KAZN: variants seen among roughly 807,000 people sequenced by gnomAD.
The protein encoded by KAZN is kazrin.
In KAZN, 40 loss-of-function variants were observed where a neutral mutation model predicts 87.4. That is an observed-to-expected ratio of 0.46 (90% CI 0.36 to 0.60). The LOEUF is 0.60. Ranked by LOEUF, KAZN falls within the 20% of genes least tolerant of loss-of-function variation. KAZN has a pLI of 0.00. For synonymous variants in KAZN, 466 were observed against 458.3 expected (o/e 1.02, Z -0.22); for missense variants, 898 against 1,073.9 (o/e 0.84, Z 2.29).
chr1:14,366,594 G>C (rs1660017494), intron 2 of KAZN, among the ~76,000 whole-genome samples: 1 of 152,228 alleles, frequency 6.6e-6, no homozygotes, highest in Non-Finnish European at 1.5e-5. Flanking sequence ...GAACACACAA[G>C]TGTGAGCGGG....
At chr1:14,202,497 C>T (rs780483654) in intron 2 of KAZN, among the ~76,000 whole-genome samples, 47 of 152,124 alleles carry the variant, frequency 3.1e-4, no homozygotes, top group Admixed American at 1.4e-3. Flanking sequence ...TGCTGGGGTG[C>T]AGGGAAGAGA....
intron 1 of KAZN, among the ~76,000 whole-genome samples, chr1:14,920,460 T>C (rs953374636): frequency 1.3e-5 from 2 of 151,692 alleles, no homozygotes; most frequent in Non-Finnish European, 2.9e-5. Flanking sequence ...GAGGACTGGA[T>C]GAGGACACCT....
At chr1:14,060,964 T>C in intron 1 of KAZN, among the ~76,000 whole-genome samples, 1 of 152,102 alleles carries the variant, frequency 6.6e-6, no homozygotes, top group East Asian at 1.9e-4. Flanking sequence ...AGACTTGGGG[T>C]CAAGACCCTT....
chr1:15,053,310 G>A (rs569209976), intron 4 of KAZN, among the ~76,000 whole-genome samples: 5 of 152,294 alleles, frequency 3.3e-5, no homozygotes, highest in Admixed American at 6.5e-5. Flanking sequence ...GTGGGTCTCC[G>A]TGATGCTAGG....
chr1:15,090,465 A>G (rs968332775), intron 8 of KAZN, among the ~76,000 whole-genome samples: 1 of 152,240 alleles, frequency 6.6e-6, no homozygotes, highest in Non-Finnish European at 1.5e-5. Context: ...CCTGCAAGCC[A>G]TGCCGGTCCG....
intron 2 of KAZN, among the ~76,000 whole-genome samples, chr1:14,520,504 C>G (rs1671529656): frequency 6.6e-6 from 1 of 152,212 alleles, no homozygotes; most frequent in African/African-American, 2.4e-5. Flanking sequence ...AACACACACA[C>G]TAATCCAATG....
intron 14 of KAZN, 199 bp from the exon 15 acceptor site, chr1:15,114,272 A>T: frequency 1.9e-6 from 1 of 532,882 alleles, no homozygotes; most frequent in Non-Finnish European, 3.4e-6. Context: ...GGGGACACAA[A>T]GCTCTCCCCT....
At chr1:14,595,364 T>A (rs956388078), upstream of KAZN, among the ~76,000 whole-genome samples, 5 of 151,840 alleles carry the variant, frequency 3.3e-5, no homozygotes, top group Admixed American at 1.3e-4. Flanking sequence ...GGAGGAGCGG[T>A]GGTAAAGCCT....
intron 1 of KAZN, among the ~76,000 whole-genome samples, chr1:14,082,859 A>G (rs12409475): frequency 0.017 from 2,599 of 152,244 alleles, 40 homozygotes; most frequent in Non-Finnish European, 0.026. Context: ...CCTCCCACTT[A>G]CACTTAATGA....
In KAZN at chr1:14,562,117, C is replaced by G. The variant is rs183931289; in HGVS notation, c.250-36866C>G. ...AGCTTTTATTAGGTAAGCCTCCACC[C>G]CTTTGAGGACACACGACTGCCATTC... On this transcript the variant is annotated intron_variant, in intron 2 of 16. Transcript: ENST00000636203. 7.3e-3 allele frequency among the ~76,000 whole-genome samples: 1,116 copies of G among 152,188 alleles called. 8 individuals are homozygous for G. The highest frequency in any genetic ancestry group is 0.013 in the Admixed American group (205 of 15,290).
Position 14,104,145 on chromosome 1 carries a change from G to A in KAZN, c.92-76290G>A, listed in dbSNP as rs544507204. On this transcript the variant is annotated intron_variant, in intron 1 of 16. Transcript: ENST00000636203. ...GGTATAACCTACCAGAGCTGGGGAC[G>A]AGGGAGGAAGGGTCTGGAATATAAC... Among the ~76,000 whole-genome samples, 4 of 152,320 alleles carry A rather than the reference G, an allele frequency of 2.6e-5. No homozygotes were observed. The East Asian group carries it at 5.8e-4, about 22-fold the overall frequency.
rs577350204 is a variant in KAZN, at chr1:14,615,639, A to T, written c.226+16416A>T. Among the ~76,000 whole-genome samples, 14 of 151,952 alleles carry T rather than the reference A, an allele frequency of 9.2e-5. No homozygotes were observed. In the South Asian group the frequency reaches 1.7e-3, roughly 18 times the overall value. ...AGACTCCATCTCAAAAAAAAAAAAA[A>T]AGAGGAGCAGAGGGGACTTCTCACT... On this transcript the variant is annotated intron_variant, in intron 1 of 14. Transcript: ENST00000376030.
chr1:14,413,597 A>AG (rs1664490053), intron 2 of KAZN, among the ~76,000 whole-genome samples: 1 of 147,468 alleles, frequency 6.8e-6, no homozygotes, highest in Non-Finnish European at 1.5e-5. Flanking sequence ...TCAAAAGAAA[A>AG]AAAAAAAAAA....
At chr1:14,381,889 TCC>T (rs778023171) in intron 2 of KAZN, among the ~76,000 whole-genome samples, 2 of 152,236 alleles carry the variant, frequency 1.3e-5, no homozygotes, top group East Asian at 3.9e-4. Flanking sequence ...AAGTCAAATA[TCC>T]TTGTTTGAAG....
At chr1:14,580,939 C>G (rs1248536464) in intron 2 of KAZN, among the ~76,000 whole-genome samples, 5 of 152,212 alleles carry the variant, frequency 3.3e-5, no homozygotes, top group Non-Finnish European at 4.4e-5. Context: ...CACCACTTCT[C>G]TCACTGCTCC....
At chr1:14,660,541 CTT>C (rs1156503750) in intron 1 of KAZN, among the ~76,000 whole-genome samples, 454 of 75,920 alleles carry the variant, frequency 6.0e-3, no homozygotes, top group Non-Finnish European at 9.1e-3. Context: ...CTCTCTCTCT[CTT>C]TTTTTTTTTT....
At chr1:14,340,888 C>CTTTTTTTTTTTTTTTTTTTTTT (rs3085672) in intron 2 of KAZN, among the ~76,000 whole-genome samples, 1 of 103,160 alleles carries the variant, frequency 9.7e-6, no homozygotes, top group African/African-American at 4.0e-5. Context: ...ATGATTTTCC[C>CTTTTTTTTTTTTTTTTTTTTTT]TTTTTTTTTT....
chr1:14,541,660 TG>T (rs1319137124), intron 2 of KAZN, among the ~76,000 whole-genome samples: 1 of 152,244 alleles, frequency 6.6e-6, no homozygotes, highest in East Asian at 1.9e-4. Context: ...GGTGCCCATC[TG>T]GGGCAAAGCT....
chr1:14,542,699 C>T (rs1465708595), intron 2 of KAZN, among the ~76,000 whole-genome samples: 1 of 152,196 alleles, frequency 6.6e-6, no homozygotes, highest in Non-Finnish European at 1.5e-5. Flanking sequence ...ACCCTCCCTA[C>T]TCTCTACTAG....
Sources: allele counts gnomAD v4.1 joint callset (sites outside exome capture counted in the v4.1 genomes callset), GRCh38; gene constraint gnomAD v4.1.1; transcripts MANE v1.5; gene names NCBI Gene and HGNC (gene_info 2026-07-23, HGNC 2026-07-21).